Variants in RTN3 observed in about 807,000 individuals in gnomAD.
RTN3 encodes reticulon-3.
In RTN3, 49 loss-of-function variants were observed where a neutral mutation model predicts 77.8. That is an observed-to-expected ratio of 0.63 (90% CI 0.50 to 0.80). The LOEUF is 0.80. Ranked by LOEUF, RTN3 falls within the 30% of genes least tolerant of loss-of-function variation. The pLI, the probability that RTN3 is intolerant of heterozygous loss-of-function variation, is 0.00. For missense variants in RTN3, 1,236 were observed against 1,211.9 expected, an observed-to-expected ratio of 1.02 and a Z score of -0.29; for synonymous variants, 464 against 446.9, an observed-to-expected ratio of 1.04 and a Z score of -0.48.
intron 3 of RTN3, among the ~76,000 whole-genome samples, chr11:63,748,102 C>G (rs1440004187): frequency 6.6e-6 from 1 of 151,294 alleles, no homozygotes; most frequent in African/African-American, 2.4e-5. Context: ...CACTAGAGGT[C>G]AGGAGTTCGA....
chr11:63,685,512 T>C (rs1014004728), intron 1 of RTN3, among the ~76,000 whole-genome samples: 5 of 87,656 alleles, frequency 5.7e-5, no homozygotes, highest in Admixed American at 2.1e-4. Context: ...AAAAAAAAGT[T>C]ACTGCAATGT....
rs988053901 is a variant in RTN3 at position 63,759,731 on chromosome 11, T to C, written c.*1530T>C. ...TGTGCCACACAGGATTTTTTTTTTT[T>C]TTTAAGAAAAACCTATAGATGAAAA... On this transcript the variant is annotated 3_prime_UTR_variant, in exon 9 of 9. Coordinates refer to ENST00000377819, the MANE Select transcript of RTN3 (RefSeq NM_001265589.2). The C allele has an allele frequency of 6.6e-6, 1 of 152,460 alleles. No individual in the cohort carries two copies. The highest frequency in any genetic ancestry group is 1.5e-5 in the Non-Finnish European group (1 of 68,028). 9.4% of individuals were successfully genotyped at this position (152,460 alleles called of 1,614,324 possible).
chr11:63,687,055 A>G (rs1412713771), intron 1 of RTN3, among the ~76,000 whole-genome samples: 1 of 152,156 alleles, frequency 6.6e-6, no homozygotes, highest in Non-Finnish European at 1.5e-5. Flanking sequence ...ATCAAATGTG[A>G]ATATGTAATT....
chr11:63,753,118 G>T lies in RTN3; in HGVS notation c.2927G>T (p.Gly976Val). 4 of 1,614,110 alleles carry T rather than the reference G, an allele frequency of 2.5e-6. No homozygotes were observed. The highest frequency in any genetic ancestry group is 3.4e-6 in the Non-Finnish European group (4 of 1,179,982). Residue 976 changes from glycine (G) to valine (V), a missense_variant, in exon 6 of 9, where the codon GGA becomes GTA. By Grantham distance (109) the Gly-to-Val change is moderately radical. Around this residue, in one of 3 missense-constraint regions of RTN3, gnomAD observed 141 missense variants for 154.9 expected, o/e 0.91. Transcript: ENST00000377819. ...LMTYVGAVFN[G>V]ITLLILAELL... ...ACCTATGTTGGTGCTGTTTTTAACG[G>T]AATCACCCTTCTAATTCTTGGTAAG...
At chr11:63,705,721 AC>A (rs1942463753) in intron 2 of RTN3, among the ~76,000 whole-genome samples, 1 of 152,218 alleles carries the variant, frequency 6.6e-6, no homozygotes, top group East Asian at 1.9e-4. Context: ...CAAACATTGA[AC>A]AAGTCAGTTA....
chr11:63,739,111 C>T (rs1427804172), intron 3 of RTN3, among the ~76,000 whole-genome samples: 1 of 152,130 alleles, frequency 6.6e-6, no homozygotes, highest in South Asian at 2.1e-4. Flanking sequence ...AGGAATCAGT[C>T]GTAATTCCAC....
upstream of RTN3, chr11:63,681,487 G>C (rs370655059): frequency 1.3e-6 from 1 of 795,326 alleles, no homozygotes; most frequent in Non-Finnish European, 1.8e-6. Context: ...AGCTGCGCTC[G>C]GCTGAGTCAG....
chr11:63,757,005 A>G (rs932531010), intron 8 of RTN3, among the ~76,000 whole-genome samples: 1 of 152,180 alleles, frequency 6.6e-6, no homozygotes, highest in African/African-American at 2.4e-5. Flanking sequence ...AGACCATGCC[A>G]TTGCACTCCA....
chr11:63,685,353 G>A (rs931316745), intron 1 of RTN3, among the ~76,000 whole-genome samples: 1 of 151,474 alleles, frequency 6.6e-6, no homozygotes, highest in Non-Finnish European at 1.5e-5. Flanking sequence ...AAAATTAGCC[G>A]GGCACAGTGA....
chr11:63,756,203 G>C (rs1478735257), intron 8 of RTN3, 33 bp downstream of exon 8: 2 of 1,459,414 alleles, frequency 1.4e-6, no homozygotes, highest in Admixed American at 1.7e-5. Context: ...TCATCATGAG[G>C]TATGCTTCCT....
intron 8 of RTN3, among the ~76,000 whole-genome samples, chr11:63,757,804 C>T (rs1200767955): frequency 2.0e-5 from 3 of 151,232 alleles, no homozygotes; most frequent in Admixed American, 6.6e-5. Context: ...ACTGCAGCCT[C>T]CACCTCCCGG....
rs758325724 is a variant in RTN3 at position 63,719,399 on chromosome 11, TAAAG to T, written c.899_902del (p.Lys300ArgfsTer29). Reference sequence around the variant, plus strand: ...ATGACAAGCTTTTTCCACTGAGAAATAAAGAGGCAGGACGTTACCCAATGTCTGC... The same window carrying T: ...ATGACAAGCTTTTTCCACTGAGAAATAGGCAGGACGTTACCCAATGTCTGC... On this transcript the variant is annotated frameshift_variant, in exon 3 of 9. Coordinates refer to ENST00000377819, the MANE Select transcript of RTN3 (RefSeq NM_001265589.2). LOFTEE classifies it high-confidence loss of function. 1 of 1,614,094 alleles carries T rather than the reference TAAAG, an allele frequency of 6.2e-7. No individual in the cohort carries two copies. Among genetic ancestry groups the T allele is most frequent in the Non-Finnish European group, 8.5e-7 (1 of 1,180,002 alleles).
chr11:63,750,298 TG>T, intron 4 of RTN3, 100 bp downstream of exon 4: 2 of 957,412 alleles, frequency 2.1e-6, no homozygotes, highest in Non-Finnish European at 1.6e-6. Context: ...TCAAGAATTA[TG>T]GGGCCTAATG....
At chr11:63,714,731 T>G (rs2134787315) in intron 2 of RTN3, among the ~76,000 whole-genome samples, 1 of 152,106 alleles carries the variant, frequency 6.6e-6, no homozygotes, top group East Asian at 1.9e-4. Flanking sequence ...CAGGCTGATC[T>G]TGACCTCTTG....
intron 2 of RTN3, chr11:63,714,097 C>A (rs745787168): frequency 4.0e-6 from 2 of 494,302 alleles, no homozygotes; most frequent in South Asian, 2.9e-5. Context: ...TGTTTTCATG[C>A]CTTTATAAAC....
chr11:63,720,652 C>G lies in RTN3; in HGVS notation c.2150C>G (p.Thr717Arg). The G allele has an allele frequency of 1.2e-6, 2 of 1,614,020 alleles. No homozygotes were observed. Among genetic ancestry groups the G allele is most frequent in the Non-Finnish European group, 1.7e-6 (2 of 1,179,986 alleles). Residue 717 changes from threonine to arginine, a missense_variant, in exon 3 of 9, where the codon ACA (threonine) becomes AGA (arginine). Coordinates refer to ENST00000377819, the MANE Select transcript of RTN3 (RefSeq NM_001265589.2). ...AAATACAGTGAACAAAGCAAAGAAA[C>G]AAATGGAAGTGAGCCTCTAGGTGTT... ...GSKYSEQSKE[T>R]NGSEPLGVFP...
intron 8 of RTN3, among the ~76,000 whole-genome samples, chr11:63,756,393 G>C (rs1273669836): frequency 1.3e-5 from 2 of 152,066 alleles, no homozygotes; most frequent in African/African-American, 4.8e-5. Flanking sequence ...ACCTTTGTAG[G>C]CCAGGCATTT....
chr11:63,710,019 A>G (rs1250225452), intron 2 of RTN3, among the ~76,000 whole-genome samples: 1 of 152,248 alleles, frequency 6.6e-6, no homozygotes, highest in Non-Finnish European at 1.5e-5. Context: ...AGGATATAAC[A>G]TTCCTTATTC....
chr11:63,759,502 T>G lies in RTN3; in HGVS notation c.*1301T>G, dbSNP rs1177843035. On this transcript the variant is annotated 3_prime_UTR_variant, in exon 9 of 9. Transcript: ENST00000377819. The stretch of plus-strand genomic sequence containing the variant: ...TAAAAGGTACCCTTGCCTTACTCCA[T>G]CTTATTTTCTTAGCCCCCTTTGAGT... 6.6e-6 allele frequency: 1 copy of G among 152,644 alleles called. No homozygotes were observed. The highest frequency in any genetic ancestry group is 2.4e-5 in the African/African-American group (1 of 41,464). 9.5% of individuals were successfully genotyped at this position (152,644 alleles called of 1,614,324 possible).
Sources: allele counts gnomAD v4.1 joint callset (sites outside exome capture counted in the v4.1 genomes callset), GRCh38; gene constraint gnomAD v4.1.1; regional missense constraint gnomAD v4.1.1; transcripts MANE v1.5; gene names NCBI Gene and HGNC (gene_info 2026-07-23, HGNC 2026-07-21).